ZP4: variants seen among roughly 807,000 people sequenced by gnomAD.
The protein encoded by ZP4 is zona pellucida glycoprotein 4, also known as zona pellucida sperm-binding protein 4.
Under a neutral mutation model 62.3 loss-of-function variants are expected in ZP4, and 62 were observed. The ratio of observed to expected loss-of-function variants is 0.99; its 90% CI spans 0.81 to 1.23. The LOEUF (loss-of-function observed/expected upper bound fraction) is 1.23, where lower values mean the gene tolerates loss of function less well. Ranked by LOEUF, ZP4 falls within the 50% of genes most tolerant of loss-of-function variation. The pLI is 0.00. For missense variants in ZP4, 774 were observed against 656.0 expected (o/e 1.18, Z -1.97); for synonymous variants, 289 against 247.3 (o/e 1.17, Z -1.58).
rs148314202 is a variant in ZP4 at position 237,885,500 on chromosome 1, A to G, written c.1051T>C (p.Ser351Pro). ...TAGGGGTCTGTTCTGTGAAGGATGG[A>G]GACCTCCACGTAAATGGGATCCCGA... is the stretch of plus-strand genomic sequence containing the variant. ...LLRDPIYVEVSILHRTDPYLG... is the reference protein window; with the variant it reads ...LLRDPIYVEVPILHRTDPYLG... Residue 351 changes from serine (S) to proline (P), a missense_variant, in exon 8 of 12, where the codon TCC becomes CCC. Coordinates refer to ENST00000366570, the MANE Select transcript of ZP4 (RefSeq NM_021186.5). The G allele has an allele frequency of 3.3e-5, 54 of 1,614,158 alleles. No homozygotes were observed. Among genetic ancestry groups the G allele is most frequent in the Non-Finnish European group, 4.5e-5 (53 of 1,180,024 alleles).
chr1:237,883,649 AGGGCGGGGGAGGGCC>A (rs1558529923), intron 10 of ZP4, among the ~76,000 whole-genome samples: 71 of 6,472 alleles, frequency 0.011, 1 homozygote, highest in Admixed American at 0.019. Context: ...AGGGCGGGGG[AGGGCGGGGGAGGGCC>A]GGGGGAGGGC....
chr1:237,889,484 G>T (rs1665186356), intron 3 of ZP4, among the ~76,000 whole-genome samples: 1 of 151,784 alleles, frequency 6.6e-6, no homozygotes, highest in South Asian at 2.1e-4. Context: ...ACACCCGGCT[G>T]ATTGTGTGTT....
At chr1:237,883,661 G>A (rs1415091737) in intron 10 of ZP4, among the ~76,000 whole-genome samples, 3 of 5,520 alleles carry the variant, frequency 5.4e-4, no homozygotes, top group African/African-American at 1.2e-3. Context: ...GGCGGGGGAG[G>A]GCCGGGGGAG....
chr1:237,885,665 C>T (rs919855672), intron 7 of ZP4, 85 bp from the exon 8 acceptor site: 10 of 1,593,106 alleles, frequency 6.3e-6, no homozygotes, highest in African/African-American at 2.7e-5. Context: ...CCCCAAGCCC[C>T]TTAAGTGTCT....
At chr1:237,883,967 AACACACACACACACAAACAC>A (rs1434996642) in intron 10 of ZP4, among the ~76,000 whole-genome samples, 33 of 86,514 alleles carry the variant, frequency 3.8e-4, no homozygotes, top group South Asian at 9.3e-4. Context: ...CACACACACA[AACACACACACACACAAACAC>A]ACACACACAC....
chr1:237,886,958 C>T, intron 5 of ZP4, 90 bp from the exon 6 acceptor site: 1 of 1,103,208 alleles, frequency 9.1e-7, no homozygotes. Flanking sequence ...CAATGCTACC[C>T]TGTTGTATGG....
At position 237,888,351 on chromosome 1, in the gene ZP4, TACTC is replaced by T; in HGVS notation, c.553+3_553+6del. 3 of 1,570,516 alleles carry T rather than the reference TACTC, an allele frequency of 1.9e-6. No homozygotes were observed. The highest frequency in any genetic ancestry group is 2.3e-5 in the South Asian group (2 of 86,484). On this transcript the variant is annotated splice_donor_5th_base_variant and intron_variant, in intron 4 of 11. Transcript: ENST00000366570. ...AGCTGGTTTCAGAGGTGTGCTCACT[TACTC>T]ACCAGTGTTTCCATAGTAGCAGGAA... is the stretch of plus-strand genomic sequence containing the variant.
chr1:237,888,378 G>A lies in ZP4; in HGVS notation c.533C>T (p.Ser178Phe). 1 of 1,588,630 alleles carries A rather than the reference G, an allele frequency of 6.3e-7. No homozygotes were observed. ...CTCACCAGTGTTTCCATAGTAGCAG[G>A]AATTCACCTCTTCAGAGCTATAACA... is the stretch of plus-strand genomic sequence containing the variant. ...GCCYSSEEVN[S>F]CYYGNTVTLH... The change falls in exon 4 of 12, where the codon TCC becomes TTC. Residue 178 changes from serine (S) to phenylalanine (F), a missense_variant. Ser to Phe is a radical substitution (Grantham distance 155). Transcript: ENST00000366570.
Position 237,885,427 on chromosome 1 carries a change from G to T in ZP4, c.1124C>A (p.Pro375His). ...QQCWATPSTD[P>H]LSQPQWPILV... ...GATGGGCCACTGTGGCTGACTCAGG[G>T]GGTCAGTGCTGGGTGTTGCCCAACA... Residue 375 changes from proline (P) to histidine (H), a missense_variant, in exon 8 of 12, where the codon CCC becomes CAC. Physicochemically the swap from Pro to His is moderately conservative, Grantham distance 77 (BLOSUM62 -2). Transcript: ENST00000366570. 12 of 1,613,168 alleles carry T rather than the reference G, an allele frequency of 7.4e-6. No individual in the cohort carries two copies. The highest frequency in any genetic ancestry group is 1.0e-5 in the Non-Finnish European group (12 of 1,179,548).
At chr1:237,887,282 G>A (rs1558533577) in intron 5 of ZP4, 92 bp downstream of exon 5, 8 of 1,440,464 alleles carry the variant, frequency 5.6e-6, no homozygotes, top group East Asian at 2.3e-5. Flanking sequence ...CACAAGTATC[G>A]TTCACGGCCA....
intron 2 of ZP4, 38 bp from the exon 3 acceptor site, chr1:237,890,007 A>G (rs1307258886): frequency 3.1e-6 from 5 of 1,614,134 alleles, no homozygotes; most frequent in Non-Finnish European, 4.2e-6. Context: ...CCTGGATGGT[A>G]GCATGAGGCG....
chr1:237,886,096 A>G lies in ZP4; in HGVS notation c.840-210T>C, dbSNP rs541605608. ...TTGAGTTGGAGATAAGCACACAGAA[A>G]TAAAGATGCATCATGAGAAACAGAT... On this transcript the variant is annotated intron_variant, in intron 6 of 11. Transcript: ENST00000366570. 3.9e-5 allele frequency among the ~76,000 whole-genome samples: 6 copies of G among 152,352 alleles called. No homozygotes were observed. In the East Asian group the frequency reaches 1.2e-3, roughly 29 times the overall value.
At chr1:237,883,866 G>A (rs543472670) in intron 10 of ZP4, among the ~76,000 whole-genome samples, 8 of 145,400 alleles carry the variant, frequency 5.5e-5, no homozygotes, top group African/African-American at 2.1e-4. Context: ...AGGCTGAACT[G>A]GGCGTATCAC....
chr1:237,887,413 C>G lies in ZP4; in HGVS notation c.702G>C (p.Leu234=). ...CACAGGAAGTAAATGGAAACTGGAACAGAACAAAAGCTTGTGTTGCCATCA... is the reference window on the plus strand; with the variant it reads ...CACAGGAAGTAAATGGAAACTGGAAGAGAACAAAAGCTTGTGTTGCCATCA... ...NPVMATQAFV[L]FQFPFTSCGT... is the part of the protein sequence containing the mutation. The change falls in exon 5 of 12, where the codon CTG becomes CTC. Residue 234 remains leucine, a synonymous_variant. Coordinates refer to ENST00000366570, the MANE Select transcript of ZP4 (RefSeq NM_021186.5). 1 of 1,614,070 alleles carries G rather than the reference C, an allele frequency of 6.2e-7. No homozygotes were observed. Among genetic ancestry groups the G allele is most frequent in the Non-Finnish European group, 8.5e-7 (1 of 1,180,030 alleles).
At position 237,890,166 on chromosome 1, in the gene ZP4, C is replaced by T; in HGVS notation, c.186G>A (p.Gly62=). The change falls in exon 2 of 12, where the codon GGG becomes GGA. Residue 62 remains glycine (G), a synonymous_variant. Coordinates refer to ENST00000366570, the MANE Select transcript of ZP4 (RefSeq NM_021186.5). Reference sequence around the variant, plus strand: ...AGTCATTCTGCAGCTCGTGCAGCAGCCCTTGGTTGTCTGGAGGGGTGGGGA... The same window carrying T: ...AGTCATTCTGCAGCTCGTGCAGCAGTCCTTGGTTGTCTGGAGGGGTGGGGA... ...PPVLIAWDNQ[G]LLHELQNDSD... The T allele has an allele frequency of 6.2e-7, 1 of 1,613,900 alleles. No individual in the cohort carries two copies. Among genetic ancestry groups the T allele is most frequent in the South Asian group, 1.1e-5 (1 of 91,072 alleles).
rs780199601 is a variant in ZP4, at chr1:237,882,824, A to G, written c.1413T>C (p.Ser471=). ...DLSRRRNFDN[S]SQNTTASVSS... ...AAACACTAGCAGTAGTGTTCTGAGA[A>G]CTGTTGTCAAAATTTCTTCTTCCTG... is the stretch of plus-strand genomic sequence containing the variant. Residue 471 remains serine, a synonymous_variant, in exon 11 of 12, where the codon AGT becomes AGC. Coordinates refer to ENST00000366570, the MANE Select transcript of ZP4 (RefSeq NM_021186.5). 4 of 1,613,612 alleles carry G rather than the reference A, an allele frequency of 2.5e-6. No individual in the cohort carries two copies. The Admixed American group carries it at 5.0e-5, about 20-fold the overall frequency.
chr1:237,882,602 G>C (rs1664942808), intron 11 of ZP4, 53 bp from the exon 12 acceptor site: 1 of 1,572,994 alleles, frequency 6.4e-7, no homozygotes, highest in Non-Finnish European at 8.6e-7. Context: ...AAGTGATTCT[G>C]TGTCCTGACA....
intron 9 of ZP4, 62 bp downstream of exon 9, chr1:237,885,103 A>C (rs1364521511): frequency 1.1e-5 from 17 of 1,580,392 alleles, no homozygotes; most frequent in Non-Finnish European, 7.7e-6. Context: ...TAGGACATGG[A>C]AACAGTTGTA....
intron 9 of ZP4, 123 bp from the exon 10 acceptor site, chr1:237,884,970 A>T: frequency 8.1e-7 from 1 of 1,240,092 alleles, no homozygotes; most frequent in Non-Finnish European, 1.1e-6. Flanking sequence ...CCAAGTTGAT[A>T]TCACAATGGC....
Sources: gnomAD v4.1 joint callset for allele counts (sites outside exome capture counted in the v4.1 genomes callset) on GRCh38, gnomAD v4.1.1 for gene constraint, MANE v1.5 for transcripts, NCBI Gene and HGNC (gene_info 2026-07-23, HGNC 2026-07-21) for gene names.